Variants in PLAC1 observed in about 807,000 individuals in gnomAD.
The protein encoded by PLAC1 is placenta associated 1.
For missense variants in PLAC1, 136 were observed against 163.2 expected (o/e 0.83, Z 0.91); for synonymous variants, 68 against 62.1 (o/e 1.09, Z -0.44).
At chrX:134,647,398 G>A (rs1476870159) in intron 1 of PLAC1, among the ~76,000 whole-genome samples, 1 of 101,690 alleles carries the variant, frequency 9.8e-6, no homozygotes, top group Non-Finnish European at 2.0e-5. Context: ...CTATGTGTGG[G>A]CATGCATGCA....
intron 1 of PLAC1, among the ~76,000 whole-genome samples, chrX:134,747,231 G>A (rs778464661): frequency 9.0e-6 from 1 of 110,986 alleles, no homozygotes; most frequent in Non-Finnish European, 1.9e-5. Context: ...ATGGCCAATC[G>A]GCACCAAGAG....
chrX:134,578,988 C>G (rs895215416), intron 2 of PLAC1, among the ~76,000 whole-genome samples: 2 of 111,311 alleles, frequency 1.8e-5, no homozygotes, highest in African/African-American at 3.3e-5. Flanking sequence ...GTAGTGATGA[C>G]TTTAAAAATA....
chrX:134,566,494 T>TG lies in PLAC1; in HGVS notation c.188dup (p.Asn64LysfsTer16). ...GGTAGGCGTGTGGCTGAACATGGTT[T>TG]GGGGGGCAACCCAGGCCCAAGTGTA... On this transcript the variant is annotated frameshift_variant, in exon 3 of 3. Transcript: ENST00000359237. LOFTEE classifies it low-confidence loss of function (END_TRUNC). The TG allele has an allele frequency of 1.7e-6, 2 of 1,211,829 alleles. No individual in the cohort carries two copies. Among genetic ancestry groups the TG allele is most frequent in the Non-Finnish European group, 2.2e-6 (2 of 895,384 alleles).
chrX:134,637,603 T>C (rs2078289261), intron 1 of PLAC1, among the ~76,000 whole-genome samples: 2 of 111,905 alleles, frequency 1.8e-5, no homozygotes, highest in African/African-American at 6.5e-5. Context: ...ATCCCAGCAC[T>C]TTGGGAAGCC....
chrX:134,728,324 T>C (rs2078679837), intron 2 of PLAC1, among the ~76,000 whole-genome samples: 1 of 111,854 alleles, frequency 8.9e-6, no homozygotes, highest in Non-Finnish European at 1.9e-5. Flanking sequence ...CTCAAAAATG[T>C]CCATATCTAG....
intron 2 of PLAC1, among the ~76,000 whole-genome samples, chrX:134,726,840 A>C (rs947689859): frequency 9.2e-6 from 1 of 108,613 alleles, no homozygotes; most frequent in Admixed American, 9.9e-5. Flanking sequence ...AAAAAAAAAA[A>C]AAACTTCCTG....
chrX:134,729,120 T>C (rs1184252593), intron 2 of PLAC1, among the ~76,000 whole-genome samples: 1 of 112,153 alleles, frequency 8.9e-6, no homozygotes, highest in Non-Finnish European at 1.9e-5. Flanking sequence ...ATTTCTCCTG[T>C]ATTCCTCACA....
chrX:134,579,096 C>G (rs866908833), intron 2 of PLAC1, among the ~76,000 whole-genome samples: 3 of 110,912 alleles, frequency 2.7e-5, no homozygotes, highest in African/African-American at 9.8e-5. Flanking sequence ...GGCAACAAAT[C>G]TCAAAATACA....
intron 1 of PLAC1, among the ~76,000 whole-genome samples, chrX:134,641,255 C>CA (rs1188238692): frequency 3.3e-4 from 35 of 107,559 alleles, no homozygotes; most frequent in Admixed American, 9.9e-4. Context: ...CCCATCTCTA[C>CA]AAAAAAAAAG....
At chrX:134,689,125 G>A (rs1255824561) in intron 2 of PLAC1, among the ~76,000 whole-genome samples, 2 of 111,132 alleles carry the variant, frequency 1.8e-5, no homozygotes, top group Non-Finnish European at 3.8e-5. Flanking sequence ...CACCATCCCA[G>A]TTCTGGTCCC....
At chrX:134,749,407 A>T (rs1265637680) in intron 1 of PLAC1, among the ~76,000 whole-genome samples, 3 of 111,832 alleles carry the variant, frequency 2.7e-5, no homozygotes, top group African/African-American at 9.8e-5. Flanking sequence ...AAGTGGGAGG[A>T]TCCCTTGAAC....
chrX:134,589,928 G>T (rs990393018), intron 2 of PLAC1, among the ~76,000 whole-genome samples: 6 of 111,203 alleles, frequency 5.4e-5, no homozygotes, highest in African/African-American at 1.3e-4. Flanking sequence ...GGGCGCGGTG[G>T]CTCACGCCTG....
At chrX:134,575,016 A>G (rs965446402) in intron 2 of PLAC1, among the ~76,000 whole-genome samples, 11 of 111,308 alleles carry the variant, frequency 9.9e-5, no homozygotes, top group Non-Finnish European at 7.5e-5. Context: ...CAGATACAGA[A>G]ATCAGAAAAT....
chrX:134,694,405 A>G (rs1362042200), intron 2 of PLAC1, among the ~76,000 whole-genome samples: 1 of 111,712 alleles, frequency 9.0e-6, no homozygotes, highest in Non-Finnish European at 1.9e-5. Flanking sequence ...TAGAAATGGA[A>G]TCTGTCTGTT....
At chrX:134,587,292 C>A (rs1445772179) in intron 2 of PLAC1, among the ~76,000 whole-genome samples, 1 of 110,229 alleles carries the variant, frequency 9.1e-6, no homozygotes, top group Non-Finnish European at 1.9e-5. Context: ...GTGGCTGGGG[C>A]CTATAATGCC....
At chrX:134,587,277 G>A (rs1369619792) in intron 2 of PLAC1, among the ~76,000 whole-genome samples, 1 of 110,522 alleles carries the variant, frequency 9.0e-6, no homozygotes, top group Non-Finnish European at 1.9e-5. Context: ...TATGGGCTGG[G>A]TGCGGTGGCT....
At chrX:134,751,385 C>CAAA (rs1221616163) in intron 1 of PLAC1, among the ~76,000 whole-genome samples, 1 of 110,170 alleles carries the variant, frequency 9.1e-6, no homozygotes. Context: ...TCACCATCAA[C>CAAA]AACAACAACA....
intron 1 of PLAC1, among the ~76,000 whole-genome samples, chrX:134,605,131 G>T (rs1162629599): frequency 8.9e-6 from 1 of 111,858 alleles, no homozygotes; most frequent in African/African-American, 3.3e-5. Flanking sequence ...GCCCAGTTCT[G>T]AATCTTGCCT....
chrX:134,714,219 T>A (rs1018993630), intron 2 of PLAC1, among the ~76,000 whole-genome samples: 3 of 111,424 alleles, frequency 2.7e-5, no homozygotes, highest in Non-Finnish European at 5.7e-5. Flanking sequence ...CTTGTTGCAT[T>A]TTCAGAGCTG....
Sources: gnomAD v4.1 joint callset for allele counts (sites outside exome capture counted in the v4.1 genomes callset) on GRCh38, gnomAD v4.1.1 for gene constraint, MANE v1.5 for transcripts, NCBI Gene and HGNC (gene_info 2026-07-23, HGNC 2026-07-21) for gene names.